CHD9: variants seen among roughly 807,000 people sequenced by gnomAD.
CHD9 encodes ATP-dependent chromatin remodeler CHD9.
In CHD9, 77 loss-of-function variants were observed where a neutral mutation model predicts 316.1. The observed-to-expected ratio is 0.24, with a 90% CI of 0.20 to 0.29. CHD9 has a LOEUF of 0.29. CHD9 is among the 10% of genes least tolerant of loss of function. The probability of loss-of-function intolerance (pLI) is 1.00; values close to 1 mark genes in which losing one functional copy is unlikely to be tolerated. For missense variants in CHD9, 2,763 were observed against 3,438.1 expected (o/e 0.80, Z 4.91); for synonymous variants, 1,129 against 1,158.3 (o/e 0.97, Z 0.51).
intron 22 of CHD9, among the ~76,000 whole-genome samples, 195 bp downstream of exon 22, chr16:53,268,321 C>T (rs1055909421): frequency 3.3e-5 from 5 of 152,102 alleles, no homozygotes; most frequent in African/African-American, 1.2e-4. Context: ...TTATCAAATA[C>T]GTATCTGTTT....
intron 2 of CHD9, among the ~76,000 whole-genome samples, chr16:53,175,540 G>A (rs756456313): frequency 1.1e-4 from 16 of 152,074 alleles, no homozygotes; most frequent in Non-Finnish European, 2.2e-4. Flanking sequence ...GGCCCTAATC[G>A]GAAGACATAC....
chr16:53,203,721 T>C (rs1397591542), intron 2 of CHD9, among the ~76,000 whole-genome samples: 1 of 151,984 alleles, frequency 6.6e-6, no homozygotes, highest in Non-Finnish European at 1.5e-5. Flanking sequence ...TTTCTTCATA[T>C]TTTAAAAATA....
At chr16:53,123,008 C>T (rs1030254306) in intron 1 of CHD9, among the ~76,000 whole-genome samples, 7 of 151,256 alleles carry the variant, frequency 4.6e-5, no homozygotes, top group South Asian at 2.1e-4. Flanking sequence ...TGAGCCACCG[C>T]GCCCGGCCCA....
chr16:53,108,538 A>T (rs969765773), intron 1 of CHD9, among the ~76,000 whole-genome samples: 7 of 148,416 alleles, frequency 4.7e-5, no homozygotes, highest in African/African-American at 1.8e-4. Context: ...ATAGATAGAT[A>T]GATAGATAGA....
At chr16:53,145,655 G>A (rs11865260) in intron 1 of CHD9, among the ~76,000 whole-genome samples, 5,462 of 151,916 alleles carry the variant, frequency 0.036, 347 homozygotes, top group African/African-American at 0.12. Flanking sequence ...GCAGTGAGCC[G>A]AGATTGCACC....
intron 1 of CHD9, among the ~76,000 whole-genome samples, chr16:53,102,513 C>T (rs571822425): frequency 6.6e-6 from 1 of 152,180 alleles, no homozygotes; most frequent in Admixed American, 6.5e-5. Flanking sequence ...TCCAGAGTCT[C>T]TCTTCTGAAC....
intron 19 of CHD9, among the ~76,000 whole-genome samples, chr16:53,258,671 C>T (rs2050811973): frequency 6.6e-6 from 1 of 152,108 alleles, no homozygotes; most frequent in Non-Finnish European, 1.5e-5. Flanking sequence ...TAAGGAGCTA[C>T]ATATATGGAA....
Position 53,107,999 on chromosome 16 carries a change from A to G in CHD9, c.-164-47927A>G, listed in dbSNP as rs572818648. Among the ~76,000 whole-genome samples the G allele has an allele frequency of 5.9e-5, 9 of 152,362 alleles. No individual in the cohort carries two copies. In the East Asian group the frequency reaches 1.7e-3, roughly 29 times the overall value. ...GAGGACTACAATAAAAGAAGGCATCATTGAGAAGGTAGCACCTGAACCAAG... is the reference window on the plus strand; with the variant it reads ...GAGGACTACAATAAAAGAAGGCATCGTTGAGAAGGTAGCACCTGAACCAAG... On this transcript the variant is annotated intron_variant, in intron 1 of 38. Transcript: ENST00000447540.
At chr16:53,259,965 T>G (rs2050940812) in intron 19 of CHD9, among the ~76,000 whole-genome samples, 1 of 152,218 alleles carries the variant, frequency 6.6e-6, no homozygotes, top group Non-Finnish European at 1.5e-5. Context: ...TCCTGAAAAT[T>G]GATATGTTTA....
Position 53,306,381 on chromosome 16 carries a change from C to T in CHD9, c.6764C>T (p.Ala2255Val), listed in dbSNP as rs1466311001. ...YILQGGYMLAASYWPKDRVMI... is the reference protein window; with the variant it reads ...YILQGGYMLAVSYWPKDRVMI... ...TTACAAGGTGGATATATGCTGGCAG[C>T]CTCGTATTGGCCAAAGGTAAAGAAA... The change falls in exon 32 of 39, where the codon GCC becomes GTC. Residue 2255 changes from alanine (A) to valine (V), a missense_variant. Transcript: ENST00000447540. The T allele has an allele frequency of 3.2e-6, 5 of 1,585,388 alleles. No homozygotes were observed. The highest frequency in any genetic ancestry group is 2.3e-5 in the East Asian group (1 of 43,654).
intron 1 of CHD9, among the ~76,000 whole-genome samples, chr16:53,110,195 C>A (rs1214333924): frequency 6.6e-6 from 1 of 152,038 alleles, no homozygotes; most frequent in Non-Finnish European, 1.5e-5. Context: ...AAGCTTATGT[C>A]TATAGAAGTA....
chr16:53,291,646 G>A (rs760143616), intron 27 of CHD9, 79 bp from the exon 28 acceptor site: 16 of 929,932 alleles, frequency 1.7e-5, no homozygotes, highest in African/African-American at 3.5e-5. Context: ...CTGTTATAAA[G>A]AAGTTTGATT....
At chr16:53,155,011 G>A (rs144659549) in intron 1 of CHD9, among the ~76,000 whole-genome samples, 2,550 of 151,754 alleles carry the variant, frequency 0.017, 80 homozygotes, top group African/African-American at 0.059. Flanking sequence ...AATTTTTCCA[G>A]CGCTTAATTT....
intron 1 of CHD9, among the ~76,000 whole-genome samples, chr16:53,094,708 T>G (rs187172783): frequency 6.2e-4 from 94 of 151,588 alleles, no homozygotes; most frequent in African/African-American, 2.3e-3. Flanking sequence ...GGTGTGATCT[T>G]GGCTCACTGA....
chr16:53,317,294 T>C (rs556685177), intron 36 of CHD9, among the ~76,000 whole-genome samples: 3 of 148,140 alleles, frequency 2.0e-5, no homozygotes, highest in African/African-American at 7.5e-5. Flanking sequence ...ACAGAAGAGG[T>C]GAATTGAATA....
In CHD9 at chr16:53,291,762, A is replaced by G. The variant is rs770432819; in HGVS notation, c.5285A>G (p.Asp1762Gly). ...TCACCAGGAGATCTTGTTATAGCAG[A>G]TGGAGGTAAATTGCACGTACTTCTG... is the stretch of plus-strand genomic sequence containing the variant. Reference protein sequence around the residue: ...VSSPGDLVIADGDGQLMEGDK... With the variant: ...VSSPGDLVIAGGDGQLMEGDK... Residue 1762 changes from aspartate (D) to glycine (G), a missense_variant, in exon 28 of 39, where the codon GAT becomes GGT. Asp to Gly is a moderately conservative substitution (Grantham distance 94). This residue lies in a region of CHD9 where 183 missense variants were observed against 258.5 expected (regional missense o/e 0.71). Coordinates refer to ENST00000447540, the MANE Select transcript of CHD9 (RefSeq NM_001308319.2). The G allele has an allele frequency of 1.3e-6, 2 of 1,556,060 alleles. No homozygotes were observed. The highest frequency in any genetic ancestry group is 2.1e-5 in the Admixed American group (1 of 46,982).
At position 53,063,685 on chromosome 16, in the gene CHD9, C is replaced by T. The variant is rs1323581822; in HGVS notation, c.-165+8608C>T. Among the ~76,000 whole-genome samples the T allele has an allele frequency of 2.6e-5, 4 of 152,048 alleles. No homozygotes were observed. In the East Asian group the frequency reaches 5.8e-4, roughly 22 times the overall value. On this transcript the variant is annotated intron_variant, in intron 1 of 38. Coordinates refer to ENST00000447540, the MANE Select transcript of CHD9 (RefSeq NM_001308319.2). ...TAGCTGGGACTACAGGCGCCCGCCA[C>T]CACGCCCGGCTAATTTTTTGTATTT...
At chr16:53,233,323 G>A (rs1597555242) in intron 10 of CHD9, among the ~76,000 whole-genome samples, 1 of 152,182 alleles carries the variant, frequency 6.6e-6, no homozygotes, top group Non-Finnish European at 1.5e-5. Flanking sequence ...TATTTTAAAG[G>A]ATACAAACAA....
At chr16:53,137,262 G>A (rs545944261) in intron 1 of CHD9, among the ~76,000 whole-genome samples, 21 of 152,094 alleles carry the variant, frequency 1.4e-4, no homozygotes, top group Admixed American at 7.9e-4. Context: ...GTGAGCCACC[G>A]TGCCTGGCCT....
Sources: gnomAD v4.1 joint callset for allele counts (sites outside exome capture counted in the v4.1 genomes callset) on GRCh38, gnomAD v4.1.1 for gene constraint, gnomAD v4.1.1 regional missense constraint, MANE v1.5 for transcripts, NCBI Gene and HGNC (gene_info 2026-07-23, HGNC 2026-07-21) for gene names.